Variants in SEPTIN7 observed in about 807,000 individuals in gnomAD.
SEPTIN7 encodes the protein septin 7.
SEPTIN7 carries 10 observed loss-of-function variants against 63.3 expected under a neutral mutation model. That is an observed-to-expected ratio of 0.16 (90% CI 0.10 to 0.27). The LOEUF (loss-of-function observed/expected upper bound fraction) is 0.27, where lower values mean the gene tolerates loss of function less well. Among genes scored for constraint, SEPTIN7 ranks in the 10% least tolerant of loss-of-function variants. The pLI is 1.00. For missense variants in SEPTIN7, 310 were observed against 521.0 expected (o/e 0.59, Z 3.94); for synonymous variants, 131 against 165.3 (o/e 0.79, Z 1.59).
intron 1 of SEPTIN7, chr7:35,802,220 A>T: frequency 3.2e-6 from 1 of 313,900 alleles, no homozygotes; most frequent in Non-Finnish European, 6.7e-6. Context: ...GAAAAAGAAC[A>T]GGCCATTTCA....
intron 7 of SEPTIN7, among the ~76,000 whole-genome samples, chr7:35,881,524 C>T (rs1227445086): frequency 6.7e-6 from 1 of 149,456 alleles, no homozygotes; most frequent in Non-Finnish European, 1.5e-5. Flanking sequence ...AATATAGGTA[C>T]GTACCCTAAT....
In SEPTIN7 at chr7:35,873,816, T is replaced by A. The variant is rs1457553779; in HGVS notation, c.512+41T>A. 6 of 1,589,338 alleles carry A rather than the reference T, an allele frequency of 3.8e-6. No individual in the cohort carries two copies. The South Asian group carries it at 6.8e-5, about 18-fold the overall frequency. Reference sequence around the variant, plus strand: ...CTTCTGATTCCTTTTTTGTTGTTGTTGCTTACTGTTACCTTTATGTGCATA... The same window carrying A: ...CTTCTGATTCCTTTTTTGTTGTTGTAGCTTACTGTTACCTTTATGTGCATA... On this transcript the variant is annotated intron_variant, in intron 6 of 13. Coordinates refer to ENST00000350320, the MANE Select transcript of SEPTIN7 (RefSeq NM_001788.6).
chr7:35,802,254 C>G, intron 1 of SEPTIN7: 2 of 368,218 alleles, frequency 5.4e-6, no homozygotes, highest in Admixed American at 2.9e-5. Context: ...CTCCTGAGTT[C>G]CATTTCAGCT....
At chr7:35,913,423 T>C in the SEPTIN7 span, among the ~76,000 whole-genome samples, 2 of 151,886 alleles carry the variant, frequency 1.3e-5, no homozygotes, top group Non-Finnish European at 2.9e-5. Flanking sequence ...TTCTTTCTTT[T>C]TCTCTCTCTT....
Position 35,889,251 on chromosome 7 carries a change from C to T in SEPTIN7, c.873-1417C>T, listed in dbSNP as rs187272920. On this transcript the variant is annotated intron_variant, in intron 10 of 13. Transcript: ENST00000350320. ...CGCCAGATATGCCAGGAGTAGGGAG[C>T]TGCCTGACTTGCCTGAAGTGGAGTG... Among the ~76,000 whole-genome samples the T allele has an allele frequency of 2.0e-5, 3 of 152,314 alleles. No individual in the cohort carries two copies. The East Asian group carries it at 5.8e-4, about 29-fold the overall frequency.
intron 1 of SEPTIN7, among the ~76,000 whole-genome samples, chr7:35,813,253 A>G (rs1788844349): frequency 1.3e-5 from 2 of 152,228 alleles, no homozygotes; most frequent in African/African-American, 2.4e-5. Flanking sequence ...CTAGCTGTAC[A>G]TATACTGCCT....
chr7:35,857,025 A>G (rs1323016054), intron 3 of SEPTIN7, among the ~76,000 whole-genome samples: 1 of 152,128 alleles, frequency 6.6e-6, no homozygotes, highest in Non-Finnish European at 1.5e-5. Flanking sequence ...GAAACATATA[A>G]TCAGATTTGA....
intron 5 of SEPTIN7, among the ~76,000 whole-genome samples, chr7:35,873,213 A>G (rs1355459216): frequency 6.6e-6 from 1 of 152,036 alleles, no homozygotes; most frequent in Non-Finnish European, 1.5e-5. Flanking sequence ...TATTTTATAA[A>G]TAATACTTTT....
chr7:35,886,011 A>T, intron 10 of SEPTIN7, 132 bp downstream of exon 10: 1 of 636,436 alleles, frequency 1.6e-6, no homozygotes, highest in South Asian at 2.0e-5. Flanking sequence ...TGAAGTAAAC[A>T]CTACATATAG....
At chr7:35,819,915 T>C (rs544790775) in intron 1 of SEPTIN7, among the ~76,000 whole-genome samples, 1 of 152,284 alleles carries the variant, frequency 6.6e-6, no homozygotes, top group African/African-American at 2.4e-5. Context: ...GCAAAATACA[T>C]TAGTTACATT....
chr7:35,864,422 T>A (rs1012741832), intron 4 of SEPTIN7, among the ~76,000 whole-genome samples: 1 of 152,158 alleles, frequency 6.6e-6, no homozygotes, highest in Non-Finnish European at 1.5e-5. Context: ...ATTCTAGATA[T>A]GTACTTTTTA....
chr7:35,839,567 T>TGTTAG, intron 3 of SEPTIN7, among the ~76,000 whole-genome samples: 1 of 151,494 alleles, frequency 6.6e-6, no homozygotes, highest in African/African-American at 2.4e-5. Flanking sequence ...TGTTATGTTA[T>TGTTAG]TTTTGAGACA....
intron 3 of SEPTIN7, among the ~76,000 whole-genome samples, chr7:35,842,520 TC>T: frequency 6.6e-6 from 1 of 152,304 alleles, no homozygotes; most frequent in East Asian, 1.9e-4. Context: ...CTGAATGGGT[TC>T]ACTGACTTGC....
chr7:35,895,922 T>C (rs1247852786), intron 11 of SEPTIN7, among the ~76,000 whole-genome samples: 1 of 152,206 alleles, frequency 6.6e-6, no homozygotes, highest in Admixed American at 6.5e-5. Flanking sequence ...GCAATTCTCC[T>C]GTCTCAGCCT....
At chr7:35,814,249 A>G (rs1788910377) in intron 1 of SEPTIN7, among the ~76,000 whole-genome samples, 1 of 152,206 alleles carries the variant, frequency 6.6e-6, no homozygotes, top group South Asian at 2.1e-4. Context: ...CCCAGTGAAT[A>G]AGAATTCAGG....
intron 4 of SEPTIN7, among the ~76,000 whole-genome samples, chr7:35,864,570 T>C (rs1456694653): frequency 6.6e-6 from 1 of 152,196 alleles, no homozygotes; most frequent in African/African-American, 2.4e-5. Flanking sequence ...TCTCAATAAT[T>C]TTTTATATTG....
rs544621536 is a variant in SEPTIN7 at position 35,808,010 on chromosome 7, A to G, written c.61+6740A>G. On this transcript the variant is annotated intron_variant, in intron 1 of 13. Transcript: ENST00000350320. Reference sequence around the variant, plus strand: ...GCTAATTTTTGTATTTTTAGTAGAGACGGGGTTTCACCATGTTGGTCAGGC... The same window carrying G: ...GCTAATTTTTGTATTTTTAGTAGAGGCGGGGTTTCACCATGTTGGTCAGGC... Among the ~76,000 whole-genome samples the G allele has an allele frequency of 2.0e-5, 3 of 150,888 alleles. No individual in the cohort carries two copies. In the South Asian group the frequency reaches 6.3e-4, roughly 32 times the overall value.
intron 1 of SEPTIN7, among the ~76,000 whole-genome samples, chr7:35,802,870 G>T (rs1004663939): frequency 1.3e-5 from 2 of 152,166 alleles, no homozygotes; most frequent in Non-Finnish European, 2.9e-5. Flanking sequence ...TCATTCAGCT[G>T]TTCAGTGGGT....
At chr7:35,826,305 T>A (rs1344088008) in intron 1 of SEPTIN7, among the ~76,000 whole-genome samples, 3 of 151,540 alleles carry the variant, frequency 2.0e-5, no homozygotes, top group African/African-American at 7.3e-5. Flanking sequence ...TTTTGTAGTC[T>A]GTGGTTGTTT....
Sources: gnomAD v4.1 joint callset for allele counts (sites outside exome capture counted in the v4.1 genomes callset) on GRCh38, gnomAD v4.1.1 for gene constraint, MANE v1.5 for transcripts, NCBI Gene and HGNC (gene_info 2026-07-23, HGNC 2026-07-21) for gene names.